The following ZNF385D variants were observed in gnomAD, a reference collection of about 807,000 sequenced individuals.
ZNF385D encodes the protein zinc finger protein 659.
Under a neutral mutation model 35.8 loss-of-function variants are expected in ZNF385D, and 15 were observed. That is an observed-to-expected ratio of 0.42 (90% CI 0.28 to 0.64). ZNF385D has a LOEUF of 0.64. Ranked by LOEUF, ZNF385D falls within the 30% of genes least tolerant of loss-of-function variation. The pLI is 0.23. For missense variants in ZNF385D, 474 were observed against 494.6 expected, an observed-to-expected ratio of 0.96 and a Z score of 0.39; for synonymous variants, 212 against 186.8, an observed-to-expected ratio of 1.13 and a Z score of -1.10.
intron 3 of ZNF385D, among the ~76,000 whole-genome samples, chr3:21,948,222 A>AT (rs913262950): frequency 2.0e-5 from 3 of 151,268 alleles, no homozygotes; most frequent in Admixed American, 1.3e-4. Flanking sequence ...AATGGCCCTC[A>AT]TTTTTTTTAC....
At chr3:22,207,857 T>A (rs1202491023) in intron 2 of ZNF385D, among the ~76,000 whole-genome samples, 1 of 151,858 alleles carries the variant, frequency 6.6e-6, no homozygotes, top group African/African-American at 2.4e-5. Context: ...ATCAGAGAAA[T>A]GCAGATCCCA....
chr3:22,236,298 T>G (rs904337041), intron 2 of ZNF385D, among the ~76,000 whole-genome samples: 1 of 152,136 alleles, frequency 6.6e-6, no homozygotes, highest in African/African-American at 2.4e-5. Context: ...TTATTGATGA[T>G]AATTATCACT....
At chr3:22,281,369 G>A (rs1317594085) in intron 2 of ZNF385D, among the ~76,000 whole-genome samples, 3 of 151,972 alleles carry the variant, frequency 2.0e-5, no homozygotes, top group African/African-American at 7.2e-5. Flanking sequence ...GTGGGCTATG[G>A]GTTTGTAATA....
chr3:21,947,667 T>G (rs771576411), intron 3 of ZNF385D, among the ~76,000 whole-genome samples: 3 of 152,200 alleles, frequency 2.0e-5, no homozygotes, highest in Non-Finnish European at 2.9e-5. Flanking sequence ...ATTTTTAAAT[T>G]GGTCATTTGC....
chr3:22,069,162 T>C (rs1700112058), intron 3 of ZNF385D, among the ~76,000 whole-genome samples: 2 of 152,242 alleles, frequency 1.3e-5, no homozygotes, highest in South Asian at 4.1e-4. Flanking sequence ...AACTAACTTC[T>C]CCTTATATCT....
At chr3:22,084,649 T>C (rs1700932843) in intron 3 of ZNF385D, among the ~76,000 whole-genome samples, 1 of 152,202 alleles carries the variant, frequency 6.6e-6, no homozygotes, top group South Asian at 2.1e-4. Context: ...AACAACCCAC[T>C]GTCAAAATTA....
At chr3:21,629,627 G>C (rs2065226374) in intron 2 of ZNF385D, among the ~76,000 whole-genome samples, 1 of 151,932 alleles carries the variant, frequency 6.6e-6, no homozygotes, top group South Asian at 2.1e-4. Context: ...ATTTCCTCAG[G>C]CTTCCTTCTA....
intron 3 of ZNF385D, among the ~76,000 whole-genome samples, chr3:22,119,691 T>G (rs1020259933): frequency 5.3e-5 from 8 of 152,222 alleles, no homozygotes; most frequent in Middle Eastern, 3.4e-3. Flanking sequence ...TAGGCAGTGG[T>G]AGATTGGAAG....
intron 3 of ZNF385D, among the ~76,000 whole-genome samples, chr3:21,561,261 A>C (rs2062936108): frequency 6.6e-6 from 1 of 152,148 alleles, no homozygotes; most frequent in African/African-American, 2.4e-5. Flanking sequence ...CTGGAAACTT[A>C]GGGCCCTGGT....
intron 3 of ZNF385D, among the ~76,000 whole-genome samples, chr3:22,162,121 C>G (rs1705996479): frequency 6.6e-6 from 1 of 152,130 alleles, no homozygotes; most frequent in African/African-American, 2.4e-5. Context: ...AATCTTAACT[C>G]ACAGGTATCA....
At chr3:21,764,979 G>A (rs1396811657) in intron 3 of ZNF385D, among the ~76,000 whole-genome samples, 2 of 152,092 alleles carry the variant, frequency 1.3e-5, no homozygotes, top group African/African-American at 2.4e-5. Context: ...CTAGCATTGA[G>A]ACGTATCCTT....
At chr3:21,503,921 C>G (rs1343346881) in intron 4 of ZNF385D, among the ~76,000 whole-genome samples, 1 of 152,014 alleles carries the variant, frequency 6.6e-6, no homozygotes, top group South Asian at 2.1e-4. Flanking sequence ...ACTTTTGGTA[C>G]CTTTAAGTCT....
intron 2 of ZNF385D, among the ~76,000 whole-genome samples, chr3:22,270,762 G>A (rs1701133387): frequency 6.6e-6 from 1 of 151,906 alleles, no homozygotes. Flanking sequence ...ATAAGTCGTA[G>A]TGAATCTTAC....
intron 3 of ZNF385D, among the ~76,000 whole-genome samples, chr3:21,979,990 G>A (rs1015485221): frequency 6.6e-6 from 1 of 152,178 alleles, no homozygotes; most frequent in East Asian, 1.9e-4. Context: ...TATGGTAGGA[G>A]TGATGCTGCC....
At chr3:21,813,888 G>A (rs1350201275) in intron 3 of ZNF385D, among the ~76,000 whole-genome samples, 7 of 152,056 alleles carry the variant, frequency 4.6e-5, no homozygotes, top group African/African-American at 1.4e-4. Flanking sequence ...GCAACTCCAA[G>A]ACACATAATT....
intron 3 of ZNF385D, among the ~76,000 whole-genome samples, chr3:21,515,860 C>T (rs530089242): frequency 3.3e-5 from 5 of 152,294 alleles, no homozygotes; most frequent in Admixed American, 3.3e-4. Context: ...TACTGTAATC[C>T]TTTACTGCAC....
At chr3:22,154,555 T>C (rs977535197) in intron 3 of ZNF385D, among the ~76,000 whole-genome samples, 11 of 152,158 alleles carry the variant, frequency 7.2e-5, no homozygotes, top group Non-Finnish European at 1.2e-4. Flanking sequence ...AAATTCACCA[T>C]ACAAAGTGGA....
intron 3 of ZNF385D, among the ~76,000 whole-genome samples, chr3:21,843,430 G>T (rs995631243): frequency 2.6e-5 from 4 of 151,914 alleles, no homozygotes; most frequent in African/African-American, 7.2e-5. Flanking sequence ...ATGCGAGCCT[G>T]TTGTCCACTT....
chr3:21,788,132 A>G (rs73142818), intron 3 of ZNF385D, among the ~76,000 whole-genome samples: 26,063 of 152,142 alleles, frequency 0.17, 2,438 homozygotes, highest in Non-Finnish European at 0.19. Context: ...CATTATCAAT[A>G]GAACTATTAG....
Sources: allele counts gnomAD v4.1 joint callset (sites outside exome capture counted in the v4.1 genomes callset), GRCh38; gene constraint gnomAD v4.1.1; transcripts MANE v1.5; gene names NCBI Gene and HGNC (gene_info 2026-07-23, HGNC 2026-07-21).